The following CD247 variants were observed in gnomAD, a reference collection of about 807,000 sequenced individuals.
The protein encoded by CD247 is CD247 molecule.
CD247 carries 13 observed loss-of-function variants against 30.0 expected under a neutral mutation model. That is an observed-to-expected ratio of 0.43 (90% CI 0.28 to 0.69). The LOEUF (loss-of-function observed/expected upper bound fraction) is 0.69, where lower values mean the gene tolerates loss of function less well. Among genes scored for constraint, CD247 ranks in the 30% least tolerant of loss-of-function variants. The pLI is 0.16. For synonymous variants in CD247, 72 were observed against 80.0 expected (o/e 0.90, Z 0.53); for missense variants, 193 against 212.6 (o/e 0.91, Z 0.57).
At chr1:167,505,854 T>C (rs1655092099) in intron 1 of CD247, among the ~76,000 whole-genome samples, 1 of 152,236 alleles carries the variant, frequency 6.6e-6, no homozygotes, top group African/African-American at 2.4e-5. Flanking sequence ...CCCAGCCACC[T>C]GCAGCTCTTT....
chr1:167,469,966 T>A (rs1323412091), intron 1 of CD247, among the ~76,000 whole-genome samples: 1 of 152,170 alleles, frequency 6.6e-6, no homozygotes, highest in Non-Finnish European at 1.5e-5. Flanking sequence ...CAGGCTGGAG[T>A]GCAATGGTGC....
intron 1 of CD247, among the ~76,000 whole-genome samples, chr1:167,446,106 C>G (rs1357621103): frequency 6.6e-6 from 1 of 152,194 alleles, no homozygotes; most frequent in South Asian, 2.1e-4. Flanking sequence ...ACTCCAGGTA[C>G]TTCTCTTAGC....
chr1:167,510,406 T>C (rs1655337814), intron 1 of CD247, among the ~76,000 whole-genome samples: 1 of 152,206 alleles, frequency 6.6e-6, no homozygotes, highest in Non-Finnish European at 1.5e-5. Context: ...AAATACATGC[T>C]GGCGTGCACA....
intron 1 of CD247, among the ~76,000 whole-genome samples, chr1:167,502,037 C>A (rs1368344204): frequency 2.0e-5 from 3 of 152,234 alleles, no homozygotes; most frequent in Non-Finnish European, 2.9e-5. Flanking sequence ...CGCATTTATT[C>A]CATCTTCCGG....
chr1:167,507,866 C>A (rs1159354576), intron 1 of CD247, among the ~76,000 whole-genome samples: 2 of 151,860 alleles, frequency 1.3e-5, no homozygotes, highest in South Asian at 2.1e-4. Flanking sequence ...ATAGCAAATT[C>A]TCTCTATCTC....
At chr1:167,515,026 C>T (rs749808046) in intron 1 of CD247, among the ~76,000 whole-genome samples, 6 of 152,104 alleles carry the variant, frequency 3.9e-5, no homozygotes, top group Non-Finnish European at 7.4e-5. Context: ...TCCCCAGGAC[C>T]GTTTCTGGGG....
chr1:167,434,707 C>T (rs1651444715), intron 5 of CD247: 1 of 441,886 alleles, frequency 2.3e-6, no homozygotes, highest in Admixed American at 2.4e-5. Flanking sequence ...TCCCCCTACA[C>T]CCCAGGCTGA....
At position 167,501,001 on chromosome 1, in the gene CD247, A is replaced by G. The variant is rs540289791; in HGVS notation, c.58+17407T>C. Among the ~76,000 whole-genome samples, 440 of 151,732 alleles carry G rather than the reference A, an allele frequency of 2.9e-3. 4 individuals are homozygous for G. Among genetic ancestry groups the G allele is most frequent in the African/African-American group, 9.9e-3 (410 of 41,322 alleles). On this transcript the variant is annotated intron_variant, in intron 1 of 7. Transcript: ENST00000362089. ...ACAGAGATGGAAAACTGGGAGTCAG[A>G]AGAGGTGGAGGTATATATGGACCCA...
In CD247 at chr1:167,467,844, G is replaced by A. The variant is rs115883327; in HGVS notation, c.59-27077C>T. Among the ~76,000 whole-genome samples, 952 of 152,196 alleles carry A rather than the reference G, an allele frequency of 6.3e-3. 8 individuals are homozygous for A. The highest frequency in any genetic ancestry group is 0.02 in the African/African-American group (851 of 41,514). On this transcript the variant is annotated intron_variant, in intron 1 of 7. Coordinates refer to ENST00000362089, the MANE Select transcript of CD247 (RefSeq NM_198053.3). ...ACTTCTGTGGGCTATTTCCCATCAT[G>A]GACACTTTCTCATTCCAGACATTTG... is the stretch of plus-strand genomic sequence containing the variant.
intron 1 of CD247, among the ~76,000 whole-genome samples, chr1:167,490,355 T>A (rs1654396598): frequency 6.6e-6 from 1 of 152,240 alleles, no homozygotes; most frequent in South Asian, 2.1e-4. Context: ...CCGGGCGCGG[T>A]GGCTCACGCC....
At chr1:167,501,053 CTTTTT>C (rs569489236) in intron 1 of CD247, among the ~76,000 whole-genome samples, 2 of 124,358 alleles carry the variant, frequency 1.6e-5, no homozygotes, top group Non-Finnish European at 1.7e-5. Context: ...TCCTATTGTT[CTTTTT>C]TTTTTTTTTT....
chr1:167,516,729 C>T (rs973780281), intron 1 of CD247, among the ~76,000 whole-genome samples: 2 of 152,148 alleles, frequency 1.3e-5, no homozygotes, highest in Non-Finnish European at 2.9e-5. Context: ...AAGTAAGTGG[C>T]ACTGAGAAGC....
chr1:167,506,035 G>A (rs771839925), intron 1 of CD247, among the ~76,000 whole-genome samples: 1 of 152,144 alleles, frequency 6.6e-6, no homozygotes, highest in Non-Finnish European at 1.5e-5. Context: ...ATTTGCTTAT[G>A]ACATGGCAAT....
In CD247 at chr1:167,431,195, A is replaced by G; in HGVS notation, c.*486T>C. ...TGCCCCTCTGCCCGGCCCTCTCACC[A>G]GGGAGGCACAACATGGCCCAGTACA... On this transcript the variant is annotated 3_prime_UTR_variant, in exon 8 of 8. Transcript: ENST00000362089. 2.4e-6 allele frequency: 1 copy of G among 422,934 alleles called. No individual in the cohort carries two copies. The highest frequency in any genetic ancestry group is 4.2e-6 in the Non-Finnish European group (1 of 239,446). The allele number at this position is 422,934 out of a possible 1,614,324, so 26.2% of individuals were successfully genotyped here.
chr1:167,463,645 A>G (rs1272021344), intron 1 of CD247, among the ~76,000 whole-genome samples: 1 of 152,212 alleles, frequency 6.6e-6, no homozygotes. Flanking sequence ...TATTACTTGG[A>G]CACCAAAGAG....
intron 1 of CD247, among the ~76,000 whole-genome samples, chr1:167,450,680 C>T (rs1285522621): frequency 2.0e-5 from 3 of 151,942 alleles, no homozygotes; most frequent in East Asian, 1.9e-4. Context: ...TTTGGAAGGC[C>T]GAGGCAGGCA....
rs1296705738 is a variant in CD247, at chr1:167,431,467, G to T, written c.*214C>A. The T allele has an allele frequency of 6.4e-6, 4 of 623,792 alleles. No homozygotes were observed. In the African/African-American group the frequency reaches 7.3e-5, roughly 11 times the overall value. The allele number at this position is 623,792 out of a possible 1,614,324, so 38.6% of individuals were successfully genotyped here. A position where few individuals can be genotyped will look rare whatever the true frequency, so the allele number is the denominator to read the frequency against. On this transcript the variant is annotated 3_prime_UTR_variant, in exon 8 of 8. Transcript: ENST00000362089. ...GGCAAACCAGAGGGCCCAAGGCCAGGGCCGTAAGCCCTGGGAGTACACTCC... is the reference window on the plus strand; with the variant it reads ...GGCAAACCAGAGGGCCCAAGGCCAGTGCCGTAAGCCCTGGGAGTACACTCC...
intron 1 of CD247, among the ~76,000 whole-genome samples, chr1:167,481,018 G>A (rs1322022658): frequency 6.6e-6 from 1 of 152,130 alleles, no homozygotes; most frequent in Non-Finnish European, 1.5e-5. Context: ...TGGGTGTGGT[G>A]GCTCTTGCCT....
intron 6 of CD247, among the ~76,000 whole-genome samples, chr1:167,433,727 C>T (rs1415863930): frequency 2.0e-5 from 3 of 152,256 alleles, no homozygotes; most frequent in Non-Finnish European, 4.4e-5. Context: ...CTGAACACGG[C>T]AGCACATATT....
Sources: allele counts gnomAD v4.1 joint callset (sites outside exome capture counted in the v4.1 genomes callset), GRCh38; gene constraint gnomAD v4.1.1; transcripts MANE v1.5; gene names NCBI Gene and HGNC (gene_info 2026-07-23, HGNC 2026-07-21).